The following WWTR1 variants were observed in gnomAD, a reference collection of about 807,000 sequenced individuals.
WWTR1 encodes the protein WW domain containing transcription regulator 1.
WWTR1 carries 13 observed loss-of-function variants against 40.1 expected under a neutral mutation model. The observed-to-expected ratio is 0.32, with a 90% confidence interval of 0.21 to 0.52. WWTR1 has a LOEUF of 0.52. Among genes scored for constraint, WWTR1 ranks in the 20% least tolerant of loss-of-function variants. The pLI is 0.97. For synonymous variants in WWTR1, 230 were observed against 210.1 expected (o/e 1.09, Z -0.82); for missense variants, 436 against 523.1 (o/e 0.83, Z 1.63).
chr3:149,717,422 G>A (rs1472689506), intron 5 of WWTR1: 1 of 152,150 alleles, frequency 6.6e-6, no homozygotes, highest in Non-Finnish European at 1.5e-5. Context: ...AAGGAAGCAG[G>A]TCTCCTGAGT....
At chr3:149,531,521 C>G (rs891192853) in intron 4 of WWTR1, among the ~76,000 whole-genome samples, 1 of 152,048 alleles carries the variant, frequency 6.6e-6, no homozygotes, top group Non-Finnish European at 1.5e-5. Flanking sequence ...TCCTTCACCC[C>G]CTTCCAGTCT....
intron 1 of WWTR1, 66 bp from the exon 2 acceptor site, chr3:149,657,375 G>A: frequency 1.3e-6 from 2 of 1,489,426 alleles, no homozygotes; most frequent in South Asian, 2.7e-5. Flanking sequence ...AGGGTTACAG[G>A]GTGAGAGGGC....
chr3:149,653,869 C>T (rs1157369073), intron 2 of WWTR1, among the ~76,000 whole-genome samples: 1 of 152,166 alleles, frequency 6.6e-6, no homozygotes, highest in African/African-American at 2.4e-5. Context: ...TCCGTGGCCT[C>T]AATTTTCTAG....
chr3:149,566,238 T>A (rs915047959), intron 3 of WWTR1, among the ~76,000 whole-genome samples: 1 of 151,998 alleles, frequency 6.6e-6, no homozygotes, highest in East Asian at 1.9e-4. Flanking sequence ...ATCAAGAAAA[T>A]CATTTTTAAA....
intron 2 of WWTR1, among the ~76,000 whole-genome samples, chr3:149,651,992 A>ATTTTTTTTTTTTTTTTTTTTTTTTTTTTT (rs368845286): frequency 1.1e-5 from 1 of 93,714 alleles, no homozygotes; most frequent in Non-Finnish European, 2.0e-5. Flanking sequence ...CGCCCGGCTA[A>ATTTTTTTTTTTTTTTTTTTTTTTTTTTTT]TTTTTTTTTT....
chr3:149,578,544 A>G (rs1168972941), intron 2 of WWTR1, among the ~76,000 whole-genome samples: 5 of 152,188 alleles, frequency 3.3e-5, no homozygotes, highest in Non-Finnish European at 7.3e-5. Flanking sequence ...TGTACTGGTT[A>G]GGTGTAAAAA....
At chr3:149,659,696 G>A (rs1713483734), upstream of WWTR1, 1 of 152,056 alleles carries the variant, frequency 6.6e-6, no homozygotes, top group Non-Finnish European at 1.5e-5. Context: ...TGCCTTGGAG[G>A]AGAAAAGTTT....
intron 3 of WWTR1, among the ~76,000 whole-genome samples, chr3:149,549,580 G>A (rs919902234): frequency 2.0e-5 from 3 of 152,226 alleles, no homozygotes; most frequent in Non-Finnish European, 4.4e-5. Flanking sequence ...GCTCACGCCT[G>A]TAATGCCAGC....
At chr3:149,697,186 G>A (rs1464411100) in intron 1 of WWTR1, among the ~76,000 whole-genome samples, 1 of 152,158 alleles carries the variant, frequency 6.6e-6, no homozygotes, top group Non-Finnish European at 1.5e-5. Context: ...GGCTGTACAA[G>A]CATGGCACCA....
intron 2 of WWTR1, among the ~76,000 whole-genome samples, chr3:149,582,969 C>T (rs938406244): frequency 3.9e-5 from 6 of 152,004 alleles, no homozygotes; most frequent in Non-Finnish European, 7.4e-5. Flanking sequence ...ATTATTATTA[C>T]TCTTATTTTT....
chr3:149,672,782 C>CTTT (rs34174367), intron 1 of WWTR1, among the ~76,000 whole-genome samples: 3 of 129,284 alleles, frequency 2.3e-5, no homozygotes, highest in East Asian at 4.4e-4. Flanking sequence ...AAGTTTTTTC[C>CTTT]TTTTTTTTTT....
intron 2 of WWTR1, among the ~76,000 whole-genome samples, chr3:149,653,641 C>A (rs1713027741): frequency 6.6e-6 from 1 of 152,070 alleles, no homozygotes; most frequent in Non-Finnish European, 1.5e-5. Context: ...AATAATCTTA[C>A]CTGAGAAAAT....
intron 1 of WWTR1, among the ~76,000 whole-genome samples, chr3:149,685,950 A>C (rs977117570): frequency 1.3e-5 from 2 of 152,178 alleles, no homozygotes; most frequent in African/African-American, 4.8e-5. Flanking sequence ...CACAATGCAA[A>C]AAAATGCTAT....
chr3:149,637,902 AGAT>A (rs1309298197), intron 2 of WWTR1, among the ~76,000 whole-genome samples: 8 of 152,190 alleles, frequency 5.3e-5, no homozygotes, highest in Non-Finnish European at 1.0e-4. Flanking sequence ...AAAAGTGCAA[AGAT>A]GAGCTACTCT....
At chr3:149,533,562 G>A (rs750724017) in intron 4 of WWTR1, among the ~76,000 whole-genome samples, 1 of 152,192 alleles carries the variant, frequency 6.6e-6, no homozygotes, top group African/African-American at 2.4e-5. Flanking sequence ...AATTCTCCAG[G>A]CTATTAGCCA....
intron 2 of WWTR1, among the ~76,000 whole-genome samples, chr3:149,587,319 T>A (rs989570676): frequency 1.3e-5 from 2 of 152,178 alleles, no homozygotes; most frequent in Non-Finnish European, 2.9e-5. Context: ...GTTTGATTTT[T>A]TTTTTCCCTT....
intron 2 of WWTR1, among the ~76,000 whole-genome samples, chr3:149,590,443 A>C (rs952700694): frequency 6.6e-6 from 1 of 152,184 alleles, no homozygotes; most frequent in African/African-American, 2.4e-5. Context: ...TGAGGTCAGG[A>C]GTTTCAGACA....
At chr3:149,646,450 G>A (rs1417610404) in intron 2 of WWTR1, among the ~76,000 whole-genome samples, 1 of 152,188 alleles carries the variant, frequency 6.6e-6, no homozygotes, top group Non-Finnish European at 1.5e-5. Context: ...TTGCCATAAA[G>A]TTTCTAAATA....
intron 1 of WWTR1, among the ~76,000 whole-genome samples, chr3:149,673,694 A>G (rs182313986): frequency 6.6e-6 from 1 of 152,290 alleles, no homozygotes; most frequent in Admixed American, 6.5e-5. Context: ...CTCCATTTTT[A>G]GCATTTGAAG....
Sources: allele counts gnomAD v4.1 joint callset (sites outside exome capture counted in the v4.1 genomes callset), GRCh38; gene constraint gnomAD v4.1.1; transcripts MANE v1.5; gene names NCBI Gene and HGNC (gene_info 2026-07-23, HGNC 2026-07-21).